The following GRM3 variants were observed in gnomAD, a reference collection of about 807,000 sequenced individuals.
GRM3 encodes the protein glutamate metabotropic receptor 3.
In GRM3, 26 loss-of-function variants were observed where a neutral mutation model predicts 70.5. That is an observed-to-expected ratio of 0.37 (90% CI 0.27 to 0.51). The LOEUF (loss-of-function observed/expected upper bound fraction) is 0.51. Among genes scored for constraint, GRM3 ranks in the 20% least tolerant of loss-of-function variants. The pLI, the probability that GRM3 is intolerant of heterozygous loss-of-function variation, is 0.93. For missense variants in GRM3, 859 were observed against 1,123.8 expected (o/e 0.76, Z 3.37); for synonymous variants, 443 against 434.9 (o/e 1.02, Z -0.23).
intron 1 of GRM3, among the ~76,000 whole-genome samples, chr7:86,753,538 T>A (rs1388583714): frequency 6.6e-6 from 1 of 152,158 alleles, no homozygotes; most frequent in Non-Finnish European, 1.5e-5. Flanking sequence ...AAAATAATAT[T>A]CACCCTTTCT....
At chr7:86,795,841 G>A (rs567510660) in intron 3 of GRM3, among the ~76,000 whole-genome samples, 20 of 152,174 alleles carry the variant, frequency 1.3e-4, no homozygotes, top group Non-Finnish European at 2.8e-4. Flanking sequence ...CACAATGGTT[G>A]ATCTAATTTA....
chr7:86,737,364 C>T (rs1795887201), intron 1 of GRM3, among the ~76,000 whole-genome samples: 1 of 152,172 alleles, frequency 6.6e-6, no homozygotes, highest in Non-Finnish European at 1.5e-5. Flanking sequence ...CTTCCAAGAA[C>T]ACAAGAGGTT....
chr7:86,661,259 A>C (rs1793886595), intron 1 of GRM3, among the ~76,000 whole-genome samples: 1 of 152,006 alleles, frequency 6.6e-6, no homozygotes, highest in Admixed American at 6.6e-5. Context: ...AATGTATGAC[A>C]CAATCATGAT....
intron 1 of GRM3, among the ~76,000 whole-genome samples, chr7:86,738,433 G>A (rs959063196): frequency 6.6e-6 from 1 of 152,128 alleles, no homozygotes; most frequent in South Asian, 2.1e-4. Flanking sequence ...TTAATTGTGA[G>A]GGCCAGATAT....
At chr7:86,768,313 C>T (rs1796655694) in intron 2 of GRM3, among the ~76,000 whole-genome samples, 1 of 152,164 alleles carries the variant, frequency 6.6e-6, no homozygotes, top group Non-Finnish European at 1.5e-5. Flanking sequence ...ATGTGGACTT[C>T]TCTGGTGCCC....
At chr7:86,820,890 C>A (rs1332492486) in intron 3 of GRM3, among the ~76,000 whole-genome samples, 1 of 152,192 alleles carries the variant, frequency 6.6e-6, no homozygotes, top group African/African-American at 2.4e-5. Flanking sequence ...CAGTGCCCAT[C>A]TTCCAGCAGA....
chr7:86,748,031 G>C (rs1165552859), intron 1 of GRM3, among the ~76,000 whole-genome samples: 3 of 152,004 alleles, frequency 2.0e-5, no homozygotes, highest in African/African-American at 4.8e-5. Flanking sequence ...TTTTTTAAAA[G>C]CTTAGTAGAC....
At chr7:86,738,055 G>A (rs541563904) in intron 1 of GRM3, among the ~76,000 whole-genome samples, 3 of 152,276 alleles carry the variant, frequency 2.0e-5, no homozygotes, top group Non-Finnish European at 2.9e-5. Context: ...CAGTGTGGAC[G>A]CACAGTTACT....
chr7:86,853,479 T>C (rs1798792086), intron 5 of GRM3, among the ~76,000 whole-genome samples: 2 of 152,206 alleles, frequency 1.3e-5, no homozygotes, highest in African/African-American at 2.4e-5. Flanking sequence ...CTTGGAAGTA[T>C]GTTGCTTTAG....
chr7:86,746,001 C>A (rs1796093034), intron 1 of GRM3, among the ~76,000 whole-genome samples: 2 of 151,802 alleles, frequency 1.3e-5, no homozygotes, highest in African/African-American at 4.8e-5. Context: ...TAATCCCATG[C>A]CTAGGAAAAA....
intron 3 of GRM3, among the ~76,000 whole-genome samples, chr7:86,832,238 T>C (rs1023363720): frequency 6.6e-6 from 1 of 150,682 alleles, no homozygotes; most frequent in African/African-American, 2.5e-5. Context: ...ATGTTCCTGC[T>C]TGTAGCCTTT....
chr7:86,667,382 C>T (rs1020088106), intron 1 of GRM3, among the ~76,000 whole-genome samples: 4 of 152,094 alleles, frequency 2.6e-5, no homozygotes, highest in African/African-American at 9.7e-5. Context: ...GTGTATATCA[C>T]AGTAAGAATC....
At chr7:86,770,553 G>T (rs899902167) in intron 2 of GRM3, among the ~76,000 whole-genome samples, 4 of 152,072 alleles carry the variant, frequency 2.6e-5, no homozygotes, top group Non-Finnish European at 1.5e-5. Context: ...ATATGGGGAA[G>T]AGGGAAGAGC....
intron 1 of GRM3, among the ~76,000 whole-genome samples, chr7:86,667,507 G>C (rs2115879309): frequency 6.6e-6 from 1 of 152,074 alleles, no homozygotes; most frequent in South Asian, 2.1e-4. Flanking sequence ...ATCTCTCTAT[G>C]TGACTAAGTT....
chr7:86,644,463 G>C lies in GRM3; in HGVS notation c.-550G>C. On this transcript the variant is annotated 5_prime_UTR_variant, in exon 1 of 6. The change abolishes the stop of an existing upstream ORF in the 5' untranslated region. Coordinates refer to ENST00000361669, the MANE Select transcript of GRM3 (RefSeq NM_000840.3). ...CCGCGCCTAGGAAGTGGGTTTGCCTGATAAGAGAAGGAGGAGGGGACTCGG... is the reference window on the plus strand; with the variant it reads ...CCGCGCCTAGGAAGTGGGTTTGCCTCATAAGAGAAGGAGGAGGGGACTCGG... 2.9e-6 allele frequency: 1 copy of C among 346,290 alleles called. No individual in the cohort carries two copies. The highest frequency in any genetic ancestry group is 2.1e-5 in the South Asian group (1 of 46,960). 21.5% of individuals were successfully genotyped at this position (346,290 alleles called of 1,614,324 possible).
chr7:86,856,256 C>T (rs953838431), intron 5 of GRM3, among the ~76,000 whole-genome samples: 6 of 151,996 alleles, frequency 3.9e-5, no homozygotes, highest in African/African-American at 1.4e-4. Context: ...CCAGTGTGGC[C>T]AGTATGGCGA....
intron 2 of GRM3, among the ~76,000 whole-genome samples, chr7:86,769,364 C>G (rs1323231167): frequency 1.3e-5 from 2 of 152,108 alleles, no homozygotes; most frequent in Non-Finnish European, 2.9e-5. Context: ...AACATCTAGT[C>G]CCAAACCAGG....
intron 5 of GRM3, among the ~76,000 whole-genome samples, chr7:86,856,762 C>T (rs1238631298): frequency 6.6e-6 from 1 of 152,108 alleles, no homozygotes; most frequent in Non-Finnish European, 1.5e-5. Context: ...CTATGTAACA[C>T]TTTCATTGTG....
chr7:86,746,667 T>C (rs917334050), intron 1 of GRM3, among the ~76,000 whole-genome samples: 1 of 151,986 alleles, frequency 6.6e-6, no homozygotes, highest in Non-Finnish European at 1.5e-5. Flanking sequence ...CCTAGCCCGA[T>C]GCATTGCTAA....
Sources: allele counts gnomAD v4.1 joint callset (sites outside exome capture counted in the v4.1 genomes callset), GRCh38; gene constraint gnomAD v4.1.1; transcripts MANE v1.5; gene names NCBI Gene and HGNC (gene_info 2026-07-23, HGNC 2026-07-21).